TENM1: variants seen among roughly 807,000 people sequenced by gnomAD.
The protein encoded by TENM1 is teneurin transmembrane protein 1, also known as teneurin-1.
Under a neutral mutation model 174.8 loss-of-function variants are expected in TENM1, and 35 were observed. The observed-to-expected ratio is 0.20, with a 90% confidence interval of 0.15 to 0.27. The LOEUF (loss-of-function observed/expected upper bound fraction) is 0.27, where lower values mean the gene tolerates loss of function less well. Among genes scored for constraint, TENM1 ranks in the 10% least tolerant of loss-of-function variants. The pLI is 1.00. For missense variants in TENM1, 1,633 were observed against 2,130.1 expected (o/e 0.77, Z 4.59); for synonymous variants, 781 against 798.7 (o/e 0.98, Z 0.37).
In TENM1 at chrX:124,769,854, T is replaced by C. The variant is rs144208902; in HGVS notation, c.536-32657A>G. The stretch of plus-strand genomic sequence containing the variant: ...AGAAGAACTCTAGAGTACCAATAAA[T>C]ATTCTTATCAATCAGACACAATTCC... On this transcript the variant is annotated intron_variant, in intron 3 of 31. Transcript: ENST00000422452. Among the ~76,000 whole-genome samples the C allele has an allele frequency of 8.4e-3, 940 of 112,053 alleles. 7 individuals are homozygous for C. The highest frequency in any genetic ancestry group is 0.027 in the African/African-American group (827 of 30,884).
intron 21 of TENM1, among the ~76,000 whole-genome samples, chrX:124,485,979 G>A (rs2046944472): frequency 8.9e-6 from 1 of 111,754 alleles, no homozygotes; most frequent in South Asian, 3.7e-4. Flanking sequence ...ACATACCAAA[G>A]TGAAATCTAA....
intron 2 of TENM1, among the ~76,000 whole-genome samples, chrX:124,895,335 GAAATA>G (rs1603265706): frequency 8.9e-6 from 1 of 111,763 alleles, no homozygotes. Context: ...CAAAAGAACA[GAAATA>G]AAATAAATTA....
the TENM1 span, among the ~76,000 whole-genome samples, chrX:124,982,270 G>GAAA: frequency 1.9e-4 from 2 of 10,551 alleles, no homozygotes; most frequent in Non-Finnish European, 3.1e-4. Context: ...AAGAAAATGT[G>GAAA]AAAAAAAAAA....
intron 5 of TENM1, among the ~76,000 whole-genome samples, chrX:124,704,047 C>T (rs1427735890): frequency 8.9e-6 from 1 of 112,155 alleles, no homozygotes; most frequent in African/African-American, 3.2e-5. Flanking sequence ...TTAGATTATT[C>T]TCATTTTAGA....
chrX:125,034,972 C>T, the TENM1 span, among the ~76,000 whole-genome samples: 2 of 111,711 alleles, frequency 1.8e-5, no homozygotes, highest in African/African-American at 6.5e-5. Context: ...CCAAAATATA[C>T]TAAATAACTA....
chrX:124,954,120 T>C (rs1471752132), intron 1 of TENM1, among the ~76,000 whole-genome samples: 1 of 112,215 alleles, frequency 8.9e-6, no homozygotes, highest in Non-Finnish European at 1.9e-5. Flanking sequence ...TAATTGTATA[T>C]TGTTTCATAA....
intron 3 of TENM1, among the ~76,000 whole-genome samples, chrX:124,808,755 C>A (rs1282004669): frequency 1.8e-5 from 2 of 111,245 alleles, no homozygotes; most frequent in Non-Finnish European, 3.8e-5. Flanking sequence ...ATTAAAAGGG[C>A]AATTTAAAAT....
At chrX:124,468,176 T>TC (rs1411994188) in intron 22 of TENM1, among the ~76,000 whole-genome samples, 2 of 110,353 alleles carry the variant, frequency 1.8e-5, no homozygotes, top group Non-Finnish European at 1.9e-5. Flanking sequence ...CATATCTCTT[T>TC]CTTTTTTTTT....
chrX:124,791,681 T>C (rs765172474), intron 3 of TENM1, among the ~76,000 whole-genome samples: 2 of 111,911 alleles, frequency 1.8e-5, no homozygotes, highest in African/African-American at 3.2e-5. Context: ...GTGGATTTCC[T>C]GACTCTTCTA....
intron 7 of TENM1, among the ~76,000 whole-genome samples, chrX:124,652,857 C>T (rs370015277): frequency 6.2e-4 from 69 of 111,797 alleles, no homozygotes; most frequent in African/African-American, 2.2e-3. Context: ...ATTCTAATTC[C>T]GTTTCTATTC....
the TENM1 span, among the ~76,000 whole-genome samples, chrX:124,997,293 GA>G: frequency 8.9e-6 from 1 of 111,734 alleles, no homozygotes; most frequent in Non-Finnish European, 1.9e-5. Flanking sequence ...CAAAGTGAAT[GA>G]GCTGAATTAT....
chrX:124,779,458 G>T (rs778499156), intron 3 of TENM1, among the ~76,000 whole-genome samples: 36 of 111,843 alleles, frequency 3.2e-4, no homozygotes, highest in Non-Finnish European at 2.3e-4. Flanking sequence ...TTCTTTTAAT[G>T]TCATGTTTTA....
chrX:124,643,817 A>G, intron 10 of TENM1, among the ~76,000 whole-genome samples: 1 of 109,773 alleles, frequency 9.1e-6, no homozygotes, highest in East Asian at 2.8e-4. Flanking sequence ...CTGCTTACAA[A>G]ATTTAAATTA....
chrX:125,180,924 T>C, the TENM1 span, among the ~76,000 whole-genome samples: 1 of 111,424 alleles, frequency 9.0e-6, no homozygotes, highest in Non-Finnish European at 1.9e-5. Context: ...CCATTCCCTA[T>C]TCCCCAGCAG....
At chrX:125,146,481 T>C in the TENM1 span, among the ~76,000 whole-genome samples, 5 of 111,907 alleles carry the variant, frequency 4.5e-5, no homozygotes, top group Non-Finnish European at 1.9e-5. Flanking sequence ...GGTATTTATC[T>C]ACATTTCTAA....
At chrX:125,150,222 T>C in the TENM1 span, among the ~76,000 whole-genome samples, 1 of 112,246 alleles carries the variant, frequency 8.9e-6, no homozygotes, top group South Asian at 3.7e-4. Flanking sequence ...ATGAAGCCAG[T>C]TACTGTTTGA....
chrX:124,449,596 CCCT>C (rs1183921978), intron 23 of TENM1, among the ~76,000 whole-genome samples: 1 of 111,987 alleles, frequency 8.9e-6, no homozygotes, highest in African/African-American at 3.2e-5. Flanking sequence ...TCTTCTCTGT[CCCT>C]CCTCCTCCAT....
intron 20 of TENM1, among the ~76,000 whole-genome samples, chrX:124,490,293 G>A (rs773906926): frequency 7.5e-4 from 83 of 110,557 alleles, no homozygotes; most frequent in Non-Finnish European, 1.3e-3. Flanking sequence ...AACTGGGGAG[G>A]TAACCACCTA....
intron 3 of TENM1, among the ~76,000 whole-genome samples, chrX:124,788,752 G>T (rs1012614435): frequency 8.9e-6 from 1 of 112,806 alleles, no homozygotes; most frequent in South Asian, 3.6e-4. Context: ...CTCCGCCTCT[G>T]TGGCTCTACA....
Sources: allele counts gnomAD v4.1 joint callset (sites outside exome capture counted in the v4.1 genomes callset), GRCh38; gene constraint gnomAD v4.1.1; transcripts MANE v1.5; gene names NCBI Gene and HGNC (gene_info 2026-07-23, HGNC 2026-07-21).